TMEM207: variants seen among roughly 807,000 people sequenced by gnomAD.
The protein encoded by TMEM207 is transmembrane protein 207, also known as SRSR846.
A neutral mutation model predicts 17.4 loss-of-function variants in TMEM207; 15 were observed. The ratio of observed to expected loss-of-function variants is 0.86; its 90% confidence interval spans 0.58 to 1.33. The LOEUF (loss-of-function observed/expected upper bound fraction) is 1.33. Among genes scored for constraint, TMEM207 ranks in the 40% most tolerant of loss-of-function variants. The probability of loss-of-function intolerance (pLI) is 0.00; values close to 1 mark genes in which losing one functional copy is unlikely to be tolerated. For synonymous variants in TMEM207, 70 were observed against 65.6 expected (o/e 1.07, Z -0.33); for missense variants, 205 against 173.8 (o/e 1.18, Z -1.01).
At chr3:190,433,967 T>C (rs1323235223) in intron 4 of TMEM207, among the ~76,000 whole-genome samples, 2 of 152,128 alleles carry the variant, frequency 1.3e-5, no homozygotes, top group Non-Finnish European at 2.9e-5. Context: ...AAGTGCTTGC[T>C]CCCTCTTTGC....
In TMEM207 at chr3:190,428,890, A is replaced by G. The variant is rs1157241677; in HGVS notation, c.*705T>C. Reference sequence around the variant, plus strand: ...AGCCCTGAGGCTCCAGAGAAACACTATGGACTATGGAGGCCACATTCATTA... The same window carrying G: ...AGCCCTGAGGCTCCAGAGAAACACTGTGGACTATGGAGGCCACATTCATTA... On this transcript the variant is annotated 3_prime_UTR_variant, in exon 5 of 5. Coordinates refer to ENST00000354905, the MANE Select transcript of TMEM207 (RefSeq NM_207316.3). 6.6e-6 allele frequency: 1 copy of G among 152,144 alleles called. No homozygotes were observed. The highest frequency in any genetic ancestry group is 1.5e-5 in the Non-Finnish European group (1 of 68,044). 9.4% of individuals were successfully genotyped at this position (152,144 alleles called of 1,614,324 possible). A position where few individuals can be genotyped will look rare whatever the true frequency, so the allele number is the denominator to read the frequency against.
chr3:190,447,272 A>C (rs1720071616), intron 2 of TMEM207, among the ~76,000 whole-genome samples: 1 of 152,338 alleles, frequency 6.6e-6, no homozygotes, highest in Admixed American at 6.5e-5. Context: ...TCATCTCCTG[A>C]ATAGAATTCT....
At chr3:190,449,627 A>T in intron 1 of TMEM207, 108 bp downstream of exon 1, 1 of 961,146 alleles carries the variant, frequency 1.0e-6, no homozygotes, top group Non-Finnish European at 1.6e-6. Flanking sequence ...GAAATCTTTT[A>T]AATGTAGAAG....
intron 2 of TMEM207, among the ~76,000 whole-genome samples, chr3:190,446,987 G>A (rs1482134287): frequency 6.6e-6 from 1 of 152,124 alleles, no homozygotes; most frequent in Non-Finnish European, 1.5e-5. Flanking sequence ...AGCTGAAAGA[G>A]CAGCACAAAT....
rs1719645877 is a variant in TMEM207 at position 190,429,640 on chromosome 3, A to C, written c.396T>G (p.Pro132=). ...CTTCATATGGAGGTGGGGAGCCTAA[A>C]GGGCCAAAACATGGAGCAGGAACAG... is the stretch of plus-strand genomic sequence containing the variant. ...LYPVPAPCFG[P]LGSPPPYEEI... The change falls in exon 5 of 5, where the codon CCT becomes CCG. Residue 132 remains proline (P), a synonymous_variant. Coordinates refer to ENST00000354905, the MANE Select transcript of TMEM207 (RefSeq NM_207316.3). 6.2e-7 allele frequency: 1 copy of C among 1,613,484 alleles called. No individual in the cohort carries two copies. The highest frequency in any genetic ancestry group is 1.3e-5 in the African/African-American group (1 of 74,882).
chr3:190,440,864 C>G (rs1430541359), intron 3 of TMEM207, among the ~76,000 whole-genome samples: 1 of 152,056 alleles, frequency 6.6e-6, no homozygotes, highest in African/African-American at 2.4e-5. Context: ...GTCAGGAGAT[C>G]GAGAACATCC....
At chr3:190,432,596 G>A (rs555929795) in intron 4 of TMEM207, among the ~76,000 whole-genome samples, 84 of 152,164 alleles carry the variant, frequency 5.5e-4, no homozygotes, top group African/African-American at 1.9e-3. Flanking sequence ...TTTACACTTA[G>A]AACATGAAAC....
At chr3:190,435,236 G>A (rs1342473498) in intron 4 of TMEM207, among the ~76,000 whole-genome samples, 1 of 152,086 alleles carries the variant, frequency 6.6e-6, no homozygotes, top group Non-Finnish European at 1.5e-5. Context: ...GTTTCGGCAG[G>A]GTAGGTTTCT....
chr3:190,441,599 T>C, intron 2 of TMEM207, 117 bp from the exon 3 acceptor site: 1 of 763,434 alleles, frequency 1.3e-6, no homozygotes, highest in East Asian at 2.5e-5. Context: ...ACCTACATAT[T>C]CCCATACCAG....
Position 190,429,316 on chromosome 3 carries a change from T to C in TMEM207, c.*279A>G, listed in dbSNP as rs1719638689. On this transcript the variant is annotated 3_prime_UTR_variant, in exon 5 of 5. Coordinates refer to ENST00000354905, the MANE Select transcript of TMEM207 (RefSeq NM_207316.3). The stretch of plus-strand genomic sequence containing the variant: ...GATGGAAACTACTTCCAGCACCTAA[T>C]TGTTGCCTGTTTGGATACTAGTGGA... 3 of 354,326 alleles carry C rather than the reference T, an allele frequency of 8.5e-6. No homozygotes were observed. The highest frequency in any genetic ancestry group is 6.6e-5 in the South Asian group (2 of 30,478). 21.9% of individuals were successfully genotyped at this position (354,326 alleles called of 1,614,324 possible).
intron 2 of TMEM207, among the ~76,000 whole-genome samples, chr3:190,445,627 G>A (rs933859203): frequency 2.6e-5 from 4 of 152,182 alleles, no homozygotes; most frequent in African/African-American, 9.6e-5. Context: ...CCAGGTTCAA[G>A]CGATACTCCT....
At chr3:190,432,024 G>A (rs1232050798) in intron 4 of TMEM207, among the ~76,000 whole-genome samples, 1 of 152,078 alleles carries the variant, frequency 6.6e-6, no homozygotes, top group African/African-American at 2.4e-5. Context: ...ATGCTGGGGA[G>A]GACAGGCATT....
intron 2 of TMEM207, among the ~76,000 whole-genome samples, chr3:190,445,991 T>G (rs997575983): frequency 1.3e-5 from 2 of 152,210 alleles, no homozygotes. Context: ...TGTTTTTACT[T>G]TGATGCTCCC....
intron 2 of TMEM207, among the ~76,000 whole-genome samples, chr3:190,443,703 A>C (rs1477409857): frequency 6.6e-6 from 1 of 152,238 alleles, no homozygotes; most frequent in Admixed American, 6.5e-5. Context: ...AGTTGTAAAC[A>C]GAAACTTTTT....
chr3:190,445,651 G>T (rs1444516396), intron 2 of TMEM207, among the ~76,000 whole-genome samples: 1 of 152,126 alleles, frequency 6.6e-6, no homozygotes, highest in African/African-American at 2.4e-5. Flanking sequence ...TCAGCCTCTT[G>T]AGTAGCTGGG....
chr3:190,442,778 G>A (rs938761263), intron 2 of TMEM207, among the ~76,000 whole-genome samples: 1 of 151,962 alleles, frequency 6.6e-6, no homozygotes, highest in Non-Finnish European at 1.5e-5. Flanking sequence ...ATACTTACAA[G>A]GGAATATTAT....
At chr3:190,446,090 TAA>T (rs933733418) in intron 2 of TMEM207, among the ~76,000 whole-genome samples, 5 of 152,196 alleles carry the variant, frequency 3.3e-5, no homozygotes, top group African/African-American at 9.6e-5. Context: ...TCTCATTTTT[TAA>T]AAGACATTTG....
At chr3:190,446,562 G>C (rs564355118) in intron 2 of TMEM207, among the ~76,000 whole-genome samples, 1 of 151,912 alleles carries the variant, frequency 6.6e-6, no homozygotes, top group African/African-American at 2.4e-5. Context: ...AACCATTACA[G>C]ACACTTAGTT....
intron 3 of TMEM207, among the ~76,000 whole-genome samples, chr3:190,440,995 GGAGGCGGAGCTTGCATTGAGCC>G (rs1719923193): frequency 6.6e-6 from 1 of 152,184 alleles, no homozygotes; most frequent in African/African-American, 2.4e-5. Context: ...CGGGAACCCG[GGAGGCGGAGCTTGCATTGAGCC>G]GAGATGGCGC....
Sources: allele counts gnomAD v4.1 joint callset (sites outside exome capture counted in the v4.1 genomes callset), GRCh38; gene constraint gnomAD v4.1.1; transcripts MANE v1.5; gene names NCBI Gene and HGNC (gene_info 2026-07-23, HGNC 2026-07-21).